GSG1L: variants seen among roughly 807,000 people sequenced by gnomAD.
GSG1L encodes the protein germ cell-specific gene 1-like protein.
Under a neutral mutation model 42.1 loss-of-function variants are expected in GSG1L, and 24 were observed. The observed-to-expected ratio is 0.57, with a 90% CI of 0.41 to 0.80. The LOEUF is 0.80. GSG1L is among the 30% of genes least tolerant of loss of function. GSG1L has a pLI of 0.00. For synonymous variants in GSG1L, 215 were observed against 203.5 expected (o/e 1.06, Z -0.48); for missense variants, 445 against 472.2 (o/e 0.94, Z 0.53).
chr16:27,835,374 G>T (rs1351108922), intron 4 of GSG1L, among the ~76,000 whole-genome samples: 1 of 151,920 alleles, frequency 6.6e-6, no homozygotes, highest in Non-Finnish European at 1.5e-5. Flanking sequence ...TTTACTTCCA[G>T]CCTATCTATC....
chr16:27,979,750 GAA>G lies in GSG1L; in HGVS notation c.350-16549_350-16548del, dbSNP rs1410834254. Among the ~76,000 whole-genome samples, 2 of 14,440 alleles carry G rather than the reference GAA, an allele frequency of 1.4e-4. 1 individual carries two copies. The highest frequency in any genetic ancestry group is 3.0e-4 in the Non-Finnish European group (2 of 6,646). 9.5% of individuals were successfully genotyped at this position (14,440 alleles called of 152,430 possible). On this transcript the variant is annotated intron_variant, in intron 1 of 6. Coordinates refer to ENST00000447459, the MANE Select transcript of GSG1L (RefSeq NM_001109763.2). ...AGGAAAGAAAAAGAAAGAAAGAAAG[GAA>G]AGAAAGAAAGAAAGAAGGAAAGAAA... is the stretch of plus-strand genomic sequence containing the variant.
intron 2 of GSG1L, among the ~76,000 whole-genome samples, chr16:27,885,363 G>C (rs1364833090): frequency 6.6e-6 from 1 of 151,934 alleles, no homozygotes; most frequent in Non-Finnish European, 1.5e-5. Context: ...TGCCCAGGCT[G>C]TTCTCAAACT....
At chr16:27,925,471 T>TCA (rs2084580763) in intron 2 of GSG1L, among the ~76,000 whole-genome samples, 1 of 152,142 alleles carries the variant, frequency 6.6e-6, no homozygotes, top group African/African-American at 2.4e-5. Flanking sequence ...AGAAAGAGTC[T>TCA]TGACCCAGAA....
intron 2 of GSG1L, among the ~76,000 whole-genome samples, chr16:27,944,357 T>C (rs1045440396): frequency 1.8e-4 from 27 of 152,018 alleles, no homozygotes; most frequent in Non-Finnish European, 1.2e-4. Context: ...TGTGGTGGCT[T>C]ACTCCTGTAA....
Position 28,063,257 on chromosome 16 carries a change from G to T in GSG1L, c.168C>A (p.Gly56=). 7.6e-7 allele frequency: 1 copy of T among 1,315,116 alleles called. No homozygotes were observed. The highest frequency in any genetic ancestry group is 9.7e-7 in the Non-Finnish European group (1 of 1,028,710). 81.5% of individuals were successfully genotyped at this position (1,315,116 alleles called of 1,614,324 possible). A position where few individuals can be genotyped will look rare whatever the true frequency, so the allele number is the denominator to read the frequency against. ...QGGRANCPNS[G]ANATANGTAA... The stretch of plus-strand genomic sequence containing the variant: ...CGGTGCCGTTGGCCGTGGCGTTGGC[G>T]CCCGAGTTGGGGCAGTTGGCGCGCC... Residue 56 remains glycine, a synonymous_variant, in exon 1 of 7, where the codon GGC becomes GGA. Transcript: ENST00000447459. This position sits in a 1 kb window ranked among gnomAD's most constrained non-coding sequence, Gnocchi z 5.8.
At position 27,896,291 on chromosome 16, in the gene GSG1L, T is replaced by C. The variant is rs548108905; in HGVS notation, c.398-11653A>G. Among the ~76,000 whole-genome samples, 684 of 152,306 alleles carry C rather than the reference T, an allele frequency of 4.5e-3. 4 individuals are homozygous for C. Among genetic ancestry groups the C allele is most frequent in the African/African-American group, 0.016 (653 of 41,570 alleles). On this transcript the variant is annotated intron_variant, in intron 2 of 6. Coordinates refer to ENST00000447459, the MANE Select transcript of GSG1L (RefSeq NM_001109763.2). ...TGAATGCTGCACTAAGACATTTGAATGTGACTAAGCCCCTGGGGCTGGCTG... is the reference window on the plus strand; with the variant it reads ...TGAATGCTGCACTAAGACATTTGAACGTGACTAAGCCCCTGGGGCTGGCTG...
chr16:27,893,426 A>C (rs987700744), intron 2 of GSG1L, among the ~76,000 whole-genome samples: 2 of 152,152 alleles, frequency 1.3e-5, no homozygotes, highest in Admixed American at 6.5e-5. Context: ...AGGGTTCCTC[A>C]TTCCTAAAAT....
intron 1 of GSG1L, among the ~76,000 whole-genome samples, chr16:28,005,087 G>C (rs1169121145): frequency 6.6e-6 from 1 of 152,194 alleles, no homozygotes; most frequent in East Asian, 1.9e-4. Flanking sequence ...TCCTTCTGAG[G>C]GCTGTGGGGG....
At chr16:28,016,170 A>G (rs1478863423) in intron 1 of GSG1L, among the ~76,000 whole-genome samples, 1 of 152,076 alleles carries the variant, frequency 6.6e-6, no homozygotes, top group African/African-American at 2.4e-5. Context: ...TTGTATTTTT[A>G]GTAGAGATGG....
At chr16:28,045,777 C>T (rs1287765251) in intron 1 of GSG1L, among the ~76,000 whole-genome samples, 1 of 152,042 alleles carries the variant, frequency 6.6e-6, no homozygotes, top group Non-Finnish European at 1.5e-5. Context: ...AGGTGGATTG[C>T]CTGAGCTCAG....
chr16:28,027,544 T>C (rs577074979), intron 1 of GSG1L, among the ~76,000 whole-genome samples: 12 of 152,322 alleles, frequency 7.9e-5, no homozygotes, highest in Admixed American at 3.3e-4. Context: ...TAAATGTGAC[T>C]GGTACAAATG....
At position 27,803,787 on chromosome 16, in the gene GSG1L, A is replaced by C. The variant is rs868222343; in HGVS notation, c.898+3700T>G. On this transcript the variant is annotated intron_variant, in intron 6 of 6. Coordinates refer to ENST00000447459, the MANE Select transcript of GSG1L (RefSeq NM_001109763.2). ...CAGACATATATATATATATATATAT[A>C]TATATATAGATAGATAGATATAGAT... Among the ~76,000 whole-genome samples, 47 of 89,600 alleles carry C rather than the reference A, an allele frequency of 5.2e-4. 1 individual carries two copies. Among genetic ancestry groups the C allele is most frequent in the African/African-American group, 1.6e-3 (31 of 19,116 alleles). 58.8% of individuals were successfully genotyped at this position (89,600 alleles called of 152,430 possible).
chr16:27,819,050 C>T (rs2083124812), intron 5 of GSG1L, among the ~76,000 whole-genome samples: 1 of 152,020 alleles, frequency 6.6e-6, no homozygotes, highest in African/African-American at 2.4e-5. Flanking sequence ...GAGTTCAAGA[C>T]CAGCCTGACC....
At chr16:27,902,522 A>G (rs1221354832) in intron 2 of GSG1L, among the ~76,000 whole-genome samples, 2 of 151,902 alleles carry the variant, frequency 1.3e-5, no homozygotes, top group African/African-American at 4.8e-5. Context: ...GGTGCCGATG[A>G]TGAGACGGGA....
chr16:28,046,688 C>T (rs1435400797), intron 1 of GSG1L, among the ~76,000 whole-genome samples: 1 of 152,138 alleles, frequency 6.6e-6, no homozygotes, highest in Non-Finnish European at 1.5e-5. Flanking sequence ...TCTGCTTCCA[C>T]TCCCGCATCA....
intron 1 of GSG1L, among the ~76,000 whole-genome samples, chr16:27,997,856 CTTTT>C (rs35354576): frequency 1.2e-5 from 1 of 85,102 alleles, no homozygotes; most frequent in African/African-American, 4.5e-5. Context: ...ACCCTCTCCA[CTTTT>C]TTTTTTTTTT....
chr16:27,834,893 AT>A (rs2083307503), intron 4 of GSG1L, among the ~76,000 whole-genome samples: 1 of 151,864 alleles, frequency 6.6e-6, no homozygotes, highest in African/African-American at 2.4e-5. Context: ...TGATTCTATT[AT>A]TTTTTGTTTT....
chr16:27,896,489 C>T (rs948567533), intron 2 of GSG1L, among the ~76,000 whole-genome samples: 4 of 152,148 alleles, frequency 2.6e-5, no homozygotes, highest in Non-Finnish European at 5.9e-5. Flanking sequence ...TTGATGGGTG[C>T]AGCAAACCAC....
intron 1 of GSG1L, among the ~76,000 whole-genome samples, chr16:28,057,330 C>G (rs1248088704): frequency 6.6e-6 from 1 of 152,056 alleles, no homozygotes; most frequent in African/African-American, 2.4e-5. Flanking sequence ...GACCGGCTGG[C>G]AGGTTGGACC....
Sources: allele counts gnomAD v4.1 joint callset (sites outside exome capture counted in the v4.1 genomes callset), GRCh38; gene constraint gnomAD v4.1.1; non-coding constraint Gnocchi (gnomAD v3.1); transcripts MANE v1.5; gene names NCBI Gene and HGNC (gene_info 2026-07-23, HGNC 2026-07-21).